CDH4: variants seen among roughly 807,000 people sequenced by gnomAD.
CDH4 encodes the protein cadherin-4.
A neutral mutation model predicts 86.0 loss-of-function variants in CDH4; 33 were observed. That is an observed-to-expected ratio of 0.38 (90% CI 0.29 to 0.51). The LOEUF is 0.51. Ranked by LOEUF, CDH4 falls within the 20% of genes least tolerant of loss-of-function variation. CDH4 has a pLI of 0.86. For missense variants in CDH4, 1,114 were observed against 1,307.4 expected, an observed-to-expected ratio of 0.85 and a Z score of 2.28; for synonymous variants, 555 against 549.4, an observed-to-expected ratio of 1.01 and a Z score of -0.14.
chr20:61,529,907 G>C lies in CDH4; in HGVS notation c.170-213656G>C, dbSNP rs568311875. ...GGCTAGAGTGCAGTGCCACAATCTT[G>C]ACTCATTGTAACCTCTGCCTCGCAG... On this transcript the variant is annotated intron_variant, in intron 2 of 15. Transcript: ENST00000614565. 4.6e-5 allele frequency among the ~76,000 whole-genome samples: 7 copies of C among 152,222 alleles called. No homozygotes were observed. In the South Asian group the frequency reaches 1.2e-3, roughly 27 times the overall value.
chr20:61,876,530 T>G (rs1445613744), intron 7 of CDH4, among the ~76,000 whole-genome samples: 2 of 152,150 alleles, frequency 1.3e-5, no homozygotes, highest in African/African-American at 4.8e-5. Context: ...CATGCAGGCG[T>G]GCGGAGGGTT....
At chr20:61,789,046 G>T (rs982384685) in intron 4 of CDH4, among the ~76,000 whole-genome samples, 5 of 152,184 alleles carry the variant, frequency 3.3e-5, no homozygotes, top group African/African-American at 1.2e-4. Flanking sequence ...GTTGTGTGGG[G>T]CTTTGTTTTG....
chr20:61,515,239 G>A (rs35132427), intron 2 of CDH4, among the ~76,000 whole-genome samples: 4,908 of 152,356 alleles, frequency 0.032, 108 homozygotes, highest in Non-Finnish European at 0.046. Flanking sequence ...CCCGGTTCTG[G>A]GGACTCCCCT....
At chr20:61,668,672 G>A (rs2087353722) in intron 2 of CDH4, among the ~76,000 whole-genome samples, 1 of 152,228 alleles carries the variant, frequency 6.6e-6, no homozygotes, top group Non-Finnish European at 1.5e-5. Flanking sequence ...CCAAGGTTAA[G>A]CAGCCTGGGA....
chr20:61,347,229 G>C (rs1027381920), intron 2 of CDH4, among the ~76,000 whole-genome samples: 2 of 152,234 alleles, frequency 1.3e-5, no homozygotes, highest in Non-Finnish European at 2.9e-5. Context: ...GCATTCAGAA[G>C]ACAGGTGACA....
chr20:61,595,946 G>A (rs886067761), intron 2 of CDH4, among the ~76,000 whole-genome samples: 5 of 152,184 alleles, frequency 3.3e-5, no homozygotes, highest in African/African-American at 1.2e-4. Flanking sequence ...ATCTCCCTGG[G>A]CTCAGGGCAA....
At chr20:61,701,805 A>G (rs2087779658) in intron 2 of CDH4, among the ~76,000 whole-genome samples, 2 of 152,212 alleles carry the variant, frequency 1.3e-5, no homozygotes, top group Admixed American at 1.3e-4. Flanking sequence ...TCCATTGGCA[A>G]AACATTTCCA....
At position 61,252,476 on chromosome 20, in the gene CDH4, G is replaced by T. The variant is rs1201501273; in HGVS notation, c.-38G>T. On this transcript the variant is annotated 5_prime_UTR_variant, in exon 1 of 16. Coordinates refer to ENST00000614565, the MANE Select transcript of CDH4 (RefSeq NM_001794.5). The surrounding 1 kb of genome is among the most constrained non-coding windows in gnomAD (Gnocchi z 4.4). ...GCGGCGGCGGCGGCGGCAGGGAGCG[G>T]GCTCCCGGTGCCGGGCACCGGGCGG... The T allele has an allele frequency of 2.5e-5, 27 of 1,086,346 alleles. No individual in the cohort carries two copies. Among genetic ancestry groups the T allele is most frequent in the Non-Finnish European group, 2.8e-5 (25 of 888,046 alleles). 67.3% of individuals were successfully genotyped at this position (1,086,346 alleles called of 1,614,324 possible).
chr20:61,396,813 C>A (rs2085020294), intron 2 of CDH4, among the ~76,000 whole-genome samples: 1 of 152,156 alleles, frequency 6.6e-6, no homozygotes, highest in African/African-American at 2.4e-5. Context: ...GGGCTGGAAG[C>A]CCTGGGGTGG....
intron 4 of CDH4, among the ~76,000 whole-genome samples, chr20:61,841,631 G>A (rs759948046): frequency 6.6e-6 from 1 of 152,182 alleles, no homozygotes; most frequent in Non-Finnish European, 1.5e-5. Context: ...TCTGCTTGGT[G>A]TGTGCGGCTC....
At chr20:61,892,481 T>C (rs1322724353) in intron 7 of CDH4, among the ~76,000 whole-genome samples, 2 of 151,896 alleles carry the variant, frequency 1.3e-5, no homozygotes, top group Non-Finnish European at 2.9e-5. Context: ...CAGGAATGAG[T>C]CATGGATGAA....
rs1490287888 is a variant in CDH4, at chr20:61,417,978, C to T, written c.169+163041C>T. Among the ~76,000 whole-genome samples, 4 of 151,966 alleles carry T rather than the reference C, an allele frequency of 2.6e-5. No homozygotes were observed. Among genetic ancestry groups the T allele is most frequent in the East Asian group, 1.9e-4 (1 of 5,134 alleles). On this transcript the variant is annotated intron_variant, in intron 2 of 15. Coordinates refer to ENST00000614565, the MANE Select transcript of CDH4 (RefSeq NM_001794.5). The surrounding 1 kb of genome is among the most constrained non-coding windows in gnomAD (Gnocchi z 4.0). ...TTCTGTTTTAGGGGGATGCTGCATT[C>T]GAGGCACAGAGAAGCCACCTGCTTC...
At chr20:61,815,965 A>C (rs1980695004) in intron 4 of CDH4, among the ~76,000 whole-genome samples, 1 of 152,208 alleles carries the variant, frequency 6.6e-6, no homozygotes, top group Admixed American at 6.5e-5. Flanking sequence ...AGGTTTAAGG[A>C]AGCAATTTCA....
chr20:61,624,875 G>A (rs940997869), intron 2 of CDH4, among the ~76,000 whole-genome samples: 2 of 152,300 alleles, frequency 1.3e-5, no homozygotes, highest in African/African-American at 2.4e-5. Context: ...CCTGCCAGGC[G>A]CCCCTTGATC....
intron 2 of CDH4, among the ~76,000 whole-genome samples, chr20:61,408,340 G>A (rs981037656): frequency 6.6e-6 from 1 of 152,132 alleles, no homozygotes; most frequent in Non-Finnish European, 1.5e-5. Flanking sequence ...GTTTAACTTG[G>A]GGGGTGGTGT....
At chr20:61,831,478 G>T (rs997117780) in intron 4 of CDH4, among the ~76,000 whole-genome samples, 7 of 152,368 alleles carry the variant, frequency 4.6e-5, no homozygotes, top group African/African-American at 1.7e-4. Context: ...GGACGGGTGA[G>T]TCCCTTGGCC....
intron 2 of CDH4, among the ~76,000 whole-genome samples, chr20:61,512,982 T>C (rs2085791381): frequency 6.6e-6 from 1 of 152,218 alleles, no homozygotes; most frequent in African/African-American, 2.4e-5. Flanking sequence ...AGAGCCCCCG[T>C]AGAGTTTTGT....
At chr20:61,743,810 T>C (rs758865726) in intron 3 of CDH4, 21 bp downstream of exon 3, 2 of 1,549,008 alleles carry the variant, frequency 1.3e-6, no homozygotes, top group Non-Finnish European at 1.8e-6. Context: ...ACCGCCCGGG[T>C]CTGCGCTGGA....
chr20:61,419,615 C>T (rs1007913164), intron 2 of CDH4, among the ~76,000 whole-genome samples: 1 of 151,138 alleles, frequency 6.6e-6, no homozygotes, highest in Admixed American at 6.6e-5. Flanking sequence ...TCCCCAGCTC[C>T]CTCCCCACCC....
Sources: allele counts gnomAD v4.1 joint callset (sites outside exome capture counted in the v4.1 genomes callset), GRCh38; gene constraint gnomAD v4.1.1; non-coding constraint Gnocchi (gnomAD v3.1); transcripts MANE v1.5; gene names NCBI Gene and HGNC (gene_info 2026-07-23, HGNC 2026-07-21).